The following TEX14 variants were observed in gnomAD, a reference collection of about 807,000 sequenced individuals.
TEX14 encodes inactive serine/threonine-protein kinase TEX14.
In TEX14, 168 loss-of-function variants were observed where a neutral mutation model predicts 178.6. That is an observed-to-expected ratio of 0.94 (90% CI 0.83 to 1.07). TEX14 has a LOEUF of 1.07. TEX14 is among the 50% of genes least tolerant of loss of function. TEX14 has a pLI of 0.00. For synonymous variants in TEX14, 626 were observed against 634.1 expected (o/e 0.99, Z 0.19); for missense variants, 1,730 against 1,753.6 (o/e 0.99, Z 0.24).
At chr17:58,579,820 C>T in intron 19 of TEX14, 89 bp from the exon 20 acceptor site, 2 of 1,041,354 alleles carry the variant, frequency 1.9e-6, no homozygotes, top group Non-Finnish European at 2.9e-6. Context: ...GTTCTTAAAT[C>T]TTGAAAATCT....
intron 1 of TEX14, chr17:58,677,610 A>G (rs935985736): frequency 1.3e-5 from 2 of 152,258 alleles, no homozygotes; most frequent in African/African-American, 4.8e-5. Context: ...CACTACCACA[A>G]ATTATGCAGT....
chr17:58,623,757 A>AAGGAGAAGAAGGAGGAGG (rs1403397857), intron 3 of TEX14, among the ~76,000 whole-genome samples: 173 of 146,892 alleles, frequency 1.2e-3, no homozygotes, highest in Non-Finnish European at 2.0e-3. Flanking sequence ...AAGAAGAAAG[A>AAGGAGAAGAAGGAGGAGG]AGGAGAAGAA....
chr17:58,658,912 C>T lies in TEX14; in HGVS notation c.-1-6910G>A, dbSNP rs149244393. On this transcript the variant is annotated intron_variant, in intron 1 of 31. Coordinates refer to ENST00000349033, the MANE Select transcript of TEX14 (RefSeq NM_031272.5). ...CATCTGGGATCAAATGATTTTCCCACCTCAGTCTCCCGAGTAGCTAGCACA... is the reference window on the plus strand; with the variant it reads ...CATCTGGGATCAAATGATTTTCCCATCTCAGTCTCCCGAGTAGCTAGCACA... 2.6e-5 allele frequency among the ~76,000 whole-genome samples: 4 copies of T among 151,782 alleles called. No homozygotes were observed. In the East Asian group the frequency reaches 7.7e-4, roughly 29 times the overall value.
chr17:58,688,480 A>G (rs1357505057), intron 1 of TEX14, among the ~76,000 whole-genome samples: 1 of 152,210 alleles, frequency 6.6e-6, no homozygotes, highest in Non-Finnish European at 1.5e-5. Context: ...TAGGTATTCT[A>G]TAAGGATTTA....
intron 3 of TEX14, among the ~76,000 whole-genome samples, chr17:58,628,165 G>A (rs1218742766): frequency 6.6e-6 from 1 of 152,090 alleles, no homozygotes; most frequent in Non-Finnish European, 1.5e-5. Flanking sequence ...ATTGTTTTAA[G>A]TTACCTCTGG....
intron 24 of TEX14, 117 bp from the exon 25 acceptor site, chr17:58,570,601 C>A: frequency 1.9e-6 from 1 of 518,818 alleles, no homozygotes; most frequent in Non-Finnish European, 3.2e-6. Flanking sequence ...CATGTCACCT[C>A]CTCTGGGAAG....
intron 2 of TEX14, among the ~76,000 whole-genome samples, chr17:58,646,950 G>T (rs1474906635): frequency 6.6e-6 from 1 of 151,040 alleles, no homozygotes; most frequent in African/African-American, 2.4e-5. Context: ...TTGTTTCCCA[G>T]GCTGGAGTGC....
chr17:58,691,914 A>G (rs2047739708), intron 1 of TEX14, 25 bp downstream of exon 1: 1 of 152,230 alleles, frequency 6.6e-6, no homozygotes, highest in African/African-American at 2.4e-5. Flanking sequence ...GCCCAGACAC[A>G]CTAATGGGGA....
chr17:58,581,015 G>A (rs942614489), intron 19 of TEX14, among the ~76,000 whole-genome samples: 3 of 152,008 alleles, frequency 2.0e-5, no homozygotes, highest in African/African-American at 7.2e-5. Flanking sequence ...TAAGTAGCAT[G>A]AATAAAAACA....
chr17:58,590,534 TTTGTTGTTG>T (rs76273680), intron 15 of TEX14, among the ~76,000 whole-genome samples: 53 of 149,430 alleles, frequency 3.5e-4, no homozygotes, highest in Admixed American at 1.1e-3. Context: ...TCCAACTATT[TTTGTTGTTG>T]TTGTTGTTGT....
chr17:58,645,613 C>T (rs1347280610), intron 2 of TEX14, among the ~76,000 whole-genome samples: 1 of 152,208 alleles, frequency 6.6e-6, no homozygotes, highest in Non-Finnish European at 1.5e-5. Context: ...CCGCCTCAGC[C>T]TCCCAAAGTG....
intron 2 of TEX14, among the ~76,000 whole-genome samples, chr17:58,639,653 A>G (rs937202128): frequency 1.3e-5 from 2 of 152,090 alleles, no homozygotes; most frequent in African/African-American, 4.8e-5. Context: ...TGAGCCCCTC[A>G]TAAGACAGTA....
At chr17:58,637,674 C>T (rs1203696085) in intron 2 of TEX14, among the ~76,000 whole-genome samples, 1 of 152,180 alleles carries the variant, frequency 6.6e-6, no homozygotes, top group African/African-American at 2.4e-5. Context: ...CTAGACATCT[C>T]TTCCATTCAG....
chr17:58,583,443 T>G (rs766769719), intron 19 of TEX14, among the ~76,000 whole-genome samples: 73 of 152,110 alleles, frequency 4.8e-4, no homozygotes, highest in Non-Finnish European at 8.5e-4. Context: ...TTTTTACATT[T>G]TTTTGTAGGC....
Position 58,682,499 on chromosome 17 carries a change from C to A in TEX14, c.-2+9440G>T, listed in dbSNP as rs1288558434. On this transcript the variant is annotated intron_variant, in intron 1 of 31. Coordinates refer to ENST00000349033, the MANE Select transcript of TEX14 (RefSeq NM_031272.5). ...TCTCGAACTCCTGACCCCAAATGATCCACCTGCCTCAACCTCCCAAAGTAC... is the reference window on the plus strand; with the variant it reads ...TCTCGAACTCCTGACCCCAAATGATACACCTGCCTCAACCTCCCAAAGTAC... Among the ~76,000 whole-genome samples, 4 of 152,232 alleles carry A rather than the reference C, an allele frequency of 2.6e-5. No individual in the cohort carries two copies. In the East Asian group the frequency reaches 5.8e-4, roughly 22 times the overall value.
intron 1 of TEX14, among the ~76,000 whole-genome samples, chr17:58,685,996 CAAAAAA>C (rs34156664): frequency 1.2e-5 from 1 of 82,656 alleles, no homozygotes; most frequent in Admixed American, 1.7e-4. Flanking sequence ...CTCTGTCTCA[CAAAAAA>C]AAAAAAAAAA....
At chr17:58,659,649 TTC>T (rs1328085707) in intron 1 of TEX14, among the ~76,000 whole-genome samples, 1 of 152,228 alleles carries the variant, frequency 6.6e-6, no homozygotes, top group Non-Finnish European at 1.5e-5. Context: ...GAAATTTTTT[TTC>T]TTTTTTCTGC....
At chr17:58,691,723 TAAGTTACAC>T (rs1407667646) in intron 1 of TEX14, among the ~76,000 whole-genome samples, 1 of 146,806 alleles carries the variant, frequency 6.8e-6, no homozygotes, top group African/African-American at 2.5e-5. Flanking sequence ...CCCTGCTAAA[TAAGTTACAC>T]TCACCTAGGC....
At chr17:58,636,312 T>C (rs1461639568) in intron 2 of TEX14, among the ~76,000 whole-genome samples, 2 of 152,152 alleles carry the variant, frequency 1.3e-5, no homozygotes, top group Non-Finnish European at 2.9e-5. Context: ...TATGACATGG[T>C]ACAAAGACTG....
Sources: allele counts gnomAD v4.1 joint callset (sites outside exome capture counted in the v4.1 genomes callset), GRCh38; gene constraint gnomAD v4.1.1; transcripts MANE v1.5; gene names NCBI Gene and HGNC (gene_info 2026-07-23, HGNC 2026-07-21).